Variants in SLC1A3 observed in about 807,000 individuals in gnomAD.
SLC1A3 encodes the protein solute carrier family 1 member 3.
A neutral mutation model predicts 48.1 loss-of-function variants in SLC1A3; 21 were observed. That is an observed-to-expected ratio of 0.44 (90% CI 0.31 to 0.63). The LOEUF is 0.63. SLC1A3 is among the 20% of genes least tolerant of loss of function. The pLI is 0.08. For synonymous variants in SLC1A3, 239 were observed against 251.4 expected (o/e 0.95, Z 0.47); for missense variants, 546 against 689.0 (o/e 0.79, Z 2.32).
At chr5:36,599,244 A>G (rs1206003805) in intron 1 of SLC1A3, among the ~76,000 whole-genome samples, 1 of 152,144 alleles carries the variant, frequency 6.6e-6, no homozygotes, top group Non-Finnish European at 1.5e-5. Context: ...CTACAAGACA[A>G]TGTGTTTCTC....
chr5:36,600,158 C>T (rs1017880408), intron 1 of SLC1A3, among the ~76,000 whole-genome samples: 2 of 152,042 alleles, frequency 1.3e-5, no homozygotes, highest in African/African-American at 4.8e-5. Flanking sequence ...CACTCAGGGT[C>T]CAGATGCTGG....
intron 7 of SLC1A3, 186 bp from the exon 8 acceptor site, chr5:36,680,209 G>A (rs1742381999): frequency 3.1e-6 from 2 of 653,592 alleles, no homozygotes; most frequent in African/African-American, 3.6e-5. Context: ...CAGGAGAGCT[G>A]CCAAATGACC....
chr5:36,651,141 T>TAAAAAA, intron 3 of SLC1A3, among the ~76,000 whole-genome samples: 1 of 114,580 alleles, frequency 8.7e-6, no homozygotes, highest in East Asian at 2.5e-4. Context: ...AAGTTTTTTT[T>TAAAAAA]AAAAAAAAAA....
At chr5:36,631,551 T>C (rs3776565) in intron 3 of SLC1A3, among the ~76,000 whole-genome samples, 19,762 of 152,236 alleles carry the variant, frequency 0.13, 1,556 homozygotes, top group Non-Finnish European at 0.18. Flanking sequence ...AAACAACTAA[T>C]ATAAAATGAA....
At chr5:36,658,078 C>T (rs1741354343) in intron 3 of SLC1A3, among the ~76,000 whole-genome samples, 1 of 152,140 alleles carries the variant, frequency 6.6e-6, no homozygotes, top group South Asian at 2.1e-4. Flanking sequence ...AGTCTCTAGG[C>T]TCAAGGAGTT....
intron 1 of SLC1A3, among the ~76,000 whole-genome samples, chr5:36,600,373 A>G (rs939697499): frequency 1.3e-5 from 2 of 152,140 alleles, no homozygotes; most frequent in Non-Finnish European, 2.9e-5. Context: ...CTCCTACAAT[A>G]CTGTATTTGC....
intron 3 of SLC1A3, among the ~76,000 whole-genome samples, chr5:36,658,377 G>A (rs1741367617): frequency 6.6e-6 from 1 of 152,204 alleles, no homozygotes; most frequent in African/African-American, 2.4e-5. Flanking sequence ...GCCAGAGCGT[G>A]AGGACATTGA....
At chr5:36,628,824 C>T (rs1740015079) in intron 2 of SLC1A3, among the ~76,000 whole-genome samples, 1 of 152,166 alleles carries the variant, frequency 6.6e-6, no homozygotes, top group Non-Finnish European at 1.5e-5. Flanking sequence ...GAGAAAATCT[C>T]TGCTCATTTT....
At chr5:36,682,355 C>T (rs184773162) in intron 8 of SLC1A3, among the ~76,000 whole-genome samples, 2 of 152,186 alleles carry the variant, frequency 1.3e-5, no homozygotes, top group East Asian at 1.9e-4. Context: ...TAGGATGCAT[C>T]GGAGTAAAAA....
chr5:36,680,444 G>T lies in SLC1A3; in HGVS notation c.1144G>T (p.Val382Leu). The T allele has an allele frequency of 6.2e-7, 1 of 1,614,190 alleles. No individual in the cohort carries two copies. The highest frequency in any genetic ancestry group is 1.3e-5 in the African/African-American group (1 of 75,048). ...CAAGTGCCTGGAAGAGAACAATGGC[G>T]TGGACAAGCGCGTCACCAGATTCGT... Reference protein sequence around the residue: ...TFKCLEENNGVDKRVTRFVLP... With the variant: ...TFKCLEENNGLDKRVTRFVLP... Residue 382 changes from valine (V) to leucine (L), a missense_variant, in exon 8 of 10, where the codon GTG becomes TTG. By Grantham distance (32) the Val-to-Leu change is conservative. Coordinates refer to ENST00000265113, the MANE Select transcript of SLC1A3 (RefSeq NM_004172.5).
At chr5:36,641,377 T>C (rs1579986020) in intron 3 of SLC1A3, among the ~76,000 whole-genome samples, 2 of 152,338 alleles carry the variant, frequency 1.3e-5, no homozygotes, top group Non-Finnish European at 2.9e-5. Flanking sequence ...GTTTCTTAAC[T>C]AGGTTATTTC....
At chr5:36,598,184 C>T (rs1266588929) in intron 1 of SLC1A3, among the ~76,000 whole-genome samples, 1 of 152,218 alleles carries the variant, frequency 6.6e-6, no homozygotes, top group Non-Finnish European at 1.5e-5. Flanking sequence ...GGTCCAACCA[C>T]TTAACCAGCT....
Position 36,686,182 on chromosome 5 carries a change from T to C in SLC1A3, c.1542T>C (p.Ile514=), listed in dbSNP as rs1419881455. The change falls in exon 10 of 10, where the codon ATT becomes ATC. Residue 514 remains isoleucine, a synonymous_variant. Coordinates refer to ENST00000265113, the MANE Select transcript of SLC1A3 (RefSeq NM_004172.5). ...NRDVEMGNSV[I]EENEMKKPYQ... ...ATGTTGAAATGGGTAACTCAGTGAT[T>C]GAAGAGAATGAAATGAAGAAACCAT... 8 of 1,613,952 alleles carry C rather than the reference T, an allele frequency of 5.0e-6. No homozygotes were observed. Among genetic ancestry groups the C allele is most frequent in the Non-Finnish European group, 6.8e-6 (8 of 1,179,916 alleles).
Position 36,683,970 on chromosome 5 carries a change from A to G in SLC1A3, c.1396A>G (p.Thr466Ala). ...TGTCGGCCTGCCCACTGACGACATC[A>G]CGCTCATCATCGCGGTGGACTGGTT... is the stretch of plus-strand genomic sequence containing the variant. ...TSVGLPTDDITLIIAVDWFLD... is the reference protein window; with the variant it reads ...TSVGLPTDDIALIIAVDWFLD... Residue 466 changes from threonine (T) to alanine (A), a missense_variant, in exon 9 of 10, where the codon ACG (threonine) becomes GCG (alanine). Around this residue, in one of 3 missense-constraint regions of SLC1A3, gnomAD observed 142 missense variants for 238.0 expected, o/e 0.60. Transcript: ENST00000265113. 6.2e-7 allele frequency: 1 copy of G among 1,614,128 alleles called. No homozygotes were observed. The highest frequency in any genetic ancestry group is 1.7e-5 in the Admixed American group (1 of 60,028).
chr5:36,599,293 T>C (rs1171272570), intron 1 of SLC1A3, among the ~76,000 whole-genome samples: 1 of 152,202 alleles, frequency 6.6e-6, no homozygotes, highest in Admixed American at 6.5e-5. Flanking sequence ...CTCTAGACTC[T>C]GGTCTGGACT....
At chr5:36,620,709 C>T (rs142783849) in intron 2 of SLC1A3, among the ~76,000 whole-genome samples, 52 of 152,198 alleles carry the variant, frequency 3.4e-4, no homozygotes, top group African/African-American at 1.2e-3. Context: ...GTGAACAAAA[C>T]TGTCCAAAAA....
At chr5:36,634,513 G>A (rs937927638) in intron 3 of SLC1A3, among the ~76,000 whole-genome samples, 1 of 152,120 alleles carries the variant, frequency 6.6e-6, no homozygotes, top group African/African-American at 2.4e-5. Flanking sequence ...TGGTGGTCCA[G>A]ACATTCCTGC....
In SLC1A3 at chr5:36,615,881, G is replaced by T. The variant is rs144681957; in HGVS notation, c.181+7277G>T. Among the ~76,000 whole-genome samples, 24 of 152,324 alleles carry T rather than the reference G, an allele frequency of 1.6e-4. No homozygotes were observed. The South Asian group carries it at 1.9e-3, about 12-fold the overall frequency. On this transcript the variant is annotated intron_variant, in intron 2 of 9. Coordinates refer to ENST00000265113, the MANE Select transcript of SLC1A3 (RefSeq NM_004172.5). ...AGCACTTCAGTGCACAGAGTTTAGC[G>T]ACTATACTCACTGAGTATAAAAATG...
chr5:36,686,351 C>T lies in SLC1A3; in HGVS notation c.*82C>T. 5.7e-6 allele frequency: 6 copies of T among 1,058,586 alleles called. No homozygotes were observed. The highest frequency in any genetic ancestry group is 7.4e-6 in the Non-Finnish European group (5 of 678,708). 65.6% of individuals were successfully genotyped at this position (1,058,586 alleles called of 1,614,324 possible). Reference sequence around the variant, plus strand: ...TTTCCATCTCATTACAGCTCATTCGCTCCAGCAAGCCCGTCATCTTCCCTT... The same window carrying T: ...TTTCCATCTCATTACAGCTCATTCGTTCCAGCAAGCCCGTCATCTTCCCTT... On this transcript the variant is annotated 3_prime_UTR_variant, in exon 10 of 10. Coordinates refer to ENST00000265113, the MANE Select transcript of SLC1A3 (RefSeq NM_004172.5).
Sources: gnomAD v4.1 joint callset for allele counts (sites outside exome capture counted in the v4.1 genomes callset) on GRCh38, gnomAD v4.1.1 for gene constraint, gnomAD v4.1.1 regional missense constraint, MANE v1.5 for transcripts, NCBI Gene and HGNC (gene_info 2026-07-23, HGNC 2026-07-21) for gene names.